ACVR1: variants seen among roughly 807,000 people sequenced by gnomAD.
The protein encoded by ACVR1 is activin receptor type-1.
A neutral mutation model predicts 57.1 loss-of-function variants in ACVR1; 38 were observed. The ratio of observed to expected loss-of-function variants is 0.67; its 90% CI spans 0.51 to 0.87. The LOEUF (loss-of-function observed/expected upper bound fraction) is 0.87, where lower values mean the gene tolerates loss of function less well. Ranked by LOEUF, ACVR1 falls within the 40% of genes least tolerant of loss-of-function variation. ACVR1 has a pLI of 0.00. For synonymous variants in ACVR1, 212 were observed against 228.1 expected, an observed-to-expected ratio of 0.93 and a Z score of 0.63; for missense variants, 463 against 638.2, an observed-to-expected ratio of 0.73 and a Z score of 2.96.
intron 1 of ACVR1, among the ~76,000 whole-genome samples, chr2:157,870,617 A>T (rs1690087361): frequency 6.6e-6 from 1 of 152,218 alleles, no homozygotes; most frequent in South Asian, 2.1e-4. Context: ...TCAAGAGTAA[A>T]GTAATTGATT....
At chr2:157,806,505 T>C (rs1454202958) in intron 2 of ACVR1, among the ~76,000 whole-genome samples, 1 of 152,118 alleles carries the variant, frequency 6.6e-6, no homozygotes, top group Non-Finnish European at 1.5e-5. Flanking sequence ...ATTGTAGACA[T>C]GAAACTTTGA....
chr2:157,798,613 C>T (rs373374688), intron 3 of ACVR1, among the ~76,000 whole-genome samples: 100 of 151,998 alleles, frequency 6.6e-4, no homozygotes, highest in African/African-American at 2.3e-3. Context: ...CTGCAACCTC[C>T]GCCTCCCAGG....
At chr2:157,807,923 T>C (rs982356537) in intron 2 of ACVR1, among the ~76,000 whole-genome samples, 10 of 148,510 alleles carry the variant, frequency 6.7e-5, no homozygotes, top group Admixed American at 2.7e-4. Context: ...TCTTTCTCTC[T>C]CTCTCTCTCT....
At chr2:157,836,722 GAC>G (rs1688795134) in intron 1 of ACVR1, among the ~76,000 whole-genome samples, 1 of 152,168 alleles carries the variant, frequency 6.6e-6, no homozygotes. Flanking sequence ...CGGGGTGCCT[GAC>G]ACAGTGAGCA....
chr2:157,771,308 C>T (rs1024057289), intron 6 of ACVR1, among the ~76,000 whole-genome samples: 30 of 152,180 alleles, frequency 2.0e-4, no homozygotes, highest in African/African-American at 7.0e-4. Context: ...TTTTGGAAAA[C>T]GTGGCAACTC....
chr2:157,787,945 A>G (rs1045749193), intron 3 of ACVR1, among the ~76,000 whole-genome samples: 1 of 152,126 alleles, frequency 6.6e-6, no homozygotes, highest in African/African-American at 2.4e-5. Context: ...AAGGTTGCCA[A>G]TCTTAGCTGT....
intron 9 of ACVR1, 127 bp downstream of exon 9, chr2:157,760,753 T>C: frequency 1.1e-6 from 1 of 881,324 alleles, no homozygotes; most frequent in South Asian, 1.6e-5. Flanking sequence ...CAAATATGAA[T>C]GCCTATAACT....
At chr2:157,761,189 A>T in intron 8 of ACVR1, 112 bp from the exon 9 acceptor site, 1 of 990,192 alleles carries the variant, frequency 1.0e-6, no homozygotes, top group Non-Finnish European at 1.5e-6. Context: ...ATCCAGGGTC[A>T]CTGTTGCAAT....
intron 7 of ACVR1, among the ~76,000 whole-genome samples, chr2:157,766,438 GAT>G (rs1422777045): frequency 1.3e-5 from 2 of 152,204 alleles, no homozygotes; most frequent in Non-Finnish European, 2.9e-5. Flanking sequence ...TACTTTAAAA[GAT>G]ATTTTACATT....
At chr2:157,830,648 A>G (rs1182691916) in intron 1 of ACVR1, among the ~76,000 whole-genome samples, 1 of 152,054 alleles carries the variant, frequency 6.6e-6, no homozygotes, top group Non-Finnish European at 1.5e-5. Flanking sequence ...AACTTGAAAT[A>G]CTTATATACC....
chr2:157,799,327 A>C lies in ACVR1; in HGVS notation c.67+100T>G. On this transcript the variant is annotated intron_variant, in intron 3 of 10. Transcript: ENST00000434821. ...ATCACCAAATATTTATTATAAAAAG[A>C]GTGTTTTAAGTTTGATAGGCTTAAG... 3 of 762,604 alleles carry C rather than the reference A, an allele frequency of 3.9e-6. No individual in the cohort carries two copies. In the Admixed American group the frequency reaches 6.4e-5, roughly 16 times the overall value. 47.2% of individuals were successfully genotyped at this position (762,604 alleles called of 1,614,324 possible).
At chr2:157,805,777 GTTTT>G in intron 2 of ACVR1, among the ~76,000 whole-genome samples, 1 of 136,224 alleles carries the variant, frequency 7.3e-6, no homozygotes, top group South Asian at 2.4e-4. Flanking sequence ...ATCCTTAACA[GTTTT>G]TTGTTTGTTT....
At chr2:157,783,516 T>G (rs1431091973) in intron 3 of ACVR1, among the ~76,000 whole-genome samples, 1 of 152,226 alleles carries the variant, frequency 6.6e-6, no homozygotes, top group African/African-American at 2.4e-5. Flanking sequence ...TCTCCTTAAA[T>G]TCTTTATATA....
At chr2:157,861,587 C>T (rs1185720808) in intron 1 of ACVR1, among the ~76,000 whole-genome samples, 2 of 152,156 alleles carry the variant, frequency 1.3e-5, no homozygotes, top group Non-Finnish European at 2.9e-5. Flanking sequence ...ATTTAACAGA[C>T]TAAAAATCAA....
At chr2:157,824,929 G>A (rs1024909615) in intron 1 of ACVR1, among the ~76,000 whole-genome samples, 2 of 151,980 alleles carry the variant, frequency 1.3e-5, no homozygotes, top group African/African-American at 4.8e-5. Flanking sequence ...AATTTTTGGT[G>A]GAGATGGGGT....
intron 1 of ACVR1, among the ~76,000 whole-genome samples, chr2:157,838,782 G>C (rs1033793668): frequency 2.6e-5 from 4 of 152,244 alleles, no homozygotes; most frequent in South Asian, 4.1e-4. Flanking sequence ...CATCTGGGGA[G>C]AACGCACAAC....
intron 5 of ACVR1, among the ~76,000 whole-genome samples, 186 bp from the exon 6 acceptor site, chr2:157,774,373 A>AT (rs55841129): frequency 2.6e-4 from 40 of 151,908 alleles, no homozygotes; most frequent in East Asian, 2.1e-3. Context: ...TGTATTTTTT[A>AT]TTTTTTTTGA....
chr2:157,761,683 A>T (rs191805665), intron 8 of ACVR1, among the ~76,000 whole-genome samples: 1 of 152,338 alleles, frequency 6.6e-6, no homozygotes, highest in Admixed American at 6.5e-5. Context: ...CACAACTCTC[A>T]GGTTAAATGG....
intron 1 of ACVR1, among the ~76,000 whole-genome samples, chr2:157,819,642 T>G (rs1277151177): frequency 6.6e-6 from 1 of 152,114 alleles, no homozygotes. Context: ...ATATCTGATT[T>G]TGGTCTATTT....
Sources: allele counts gnomAD v4.1 joint callset (sites outside exome capture counted in the v4.1 genomes callset), GRCh38; gene constraint gnomAD v4.1.1; transcripts MANE v1.5; gene names NCBI Gene and HGNC (gene_info 2026-07-23, HGNC 2026-07-21).